The following ART3 variants were observed in gnomAD, a reference collection of about 807,000 sequenced individuals.
ART3 encodes the protein ecto-ADP-ribosyltransferase 3.
A neutral mutation model predicts 48.5 loss-of-function variants in ART3; 49 were observed. The observed-to-expected ratio is 1.01, with a 90% CI of 0.80 to 1.28. The LOEUF (loss-of-function observed/expected upper bound fraction) is 1.28. Among genes scored for constraint, ART3 ranks in the 50% most tolerant of loss-of-function variants. The pLI is 0.00. For synonymous variants in ART3, 145 were observed against 157.2 expected, an observed-to-expected ratio of 0.92 and a Z score of 0.58; for missense variants, 438 against 454.3, an observed-to-expected ratio of 0.96 and a Z score of 0.33.
At chr4:76,035,469 T>C in intron 1 of ART3, 1 of 876,036 alleles carries the variant, frequency 1.1e-6, no homozygotes, top group Non-Finnish European at 1.7e-6. Flanking sequence ...CAAATAGCAC[T>C]TAACACAACT....
chr4:76,021,740 A>G (rs1207448206), intron 1 of ART3: 1 of 652,630 alleles, frequency 1.5e-6, no homozygotes, highest in Admixed American at 2.6e-5. Context: ...GCTTAGGATG[A>G]TGAACATTAA....
intron 1 of ART3, among the ~76,000 whole-genome samples, chr4:76,030,091 A>G (rs1005879270): frequency 5.9e-5 from 9 of 152,008 alleles, no homozygotes; most frequent in African/African-American, 2.2e-4. Flanking sequence ...GTCTCGCTCT[A>G]TGTAGCCCAG....
upstream of ART3, among the ~76,000 whole-genome samples, chr4:76,073,932 T>C (rs1398906943): frequency 6.6e-6 from 1 of 152,260 alleles, no homozygotes; most frequent in Non-Finnish European, 1.5e-5. Context: ...ACCATTCTAC[T>C]GTTGATGGAT....
Position 76,082,063 on chromosome 4 carries a change from C to T in ART3, c.309C>T (p.Ser103=), listed in dbSNP as rs766607107. ...GAATAGCCCTGATGGCATATATTTC[C>T]GAAGCTCAAGAGCAAACTCCCTTTT... The part of the protein sequence containing the change: ...NHGIALMAYI[S]EAQEQTPFYH... Residue 103 remains serine, a synonymous_variant, in exon 3 of 12, where the codon TCC becomes TCT. Coordinates refer to ENST00000355810, the MANE Select transcript of ART3 (RefSeq NM_001130016.3). 1.7e-5 allele frequency: 28 copies of T among 1,614,060 alleles called. No individual in the cohort carries two copies. The highest frequency in any genetic ancestry group is 6.7e-5 in the Admixed American group (4 of 60,008).
chr4:76,052,714 C>CTTTT (rs10644249), intron 1 of ART3, among the ~76,000 whole-genome samples: 59,448 of 141,728 alleles, frequency 0.42, 13,336 homozygotes, highest in East Asian at 0.54. Context: ...TTTCTTTTTT[C>CTTTT]CTTCTTTTTT....
At chr4:76,063,473 T>A (rs1278423887) in intron 1 of ART3, among the ~76,000 whole-genome samples, 2 of 152,114 alleles carry the variant, frequency 1.3e-5, no homozygotes, top group African/African-American at 4.8e-5. Flanking sequence ...ATGAGGAGTT[T>A]AAAATGAGAT....
intron 1 of ART3, among the ~76,000 whole-genome samples, chr4:76,029,413 G>A (rs976303487): frequency 4.6e-5 from 7 of 152,168 alleles, no homozygotes; most frequent in African/African-American, 1.7e-4. Flanking sequence ...TTTTTAGGAC[G>A]TATTCTTCTT....
At position 76,098,989 on chromosome 4, in the gene ART3, T is replaced by A. The variant is rs1726651743; in HGVS notation, c.847+2T>A. 4 of 1,608,090 alleles carry A rather than the reference T, an allele frequency of 2.5e-6. No individual in the cohort carries two copies. The East Asian group carries it at 8.9e-5, about 36-fold the overall frequency. ...AACCCATCTATGTCTACAACCCTGG[T>A]GAGTATGTTCTAATTTTTAAAAATA... On this transcript the variant is annotated splice_donor_variant, in intron 5 of 11. Transcript: ENST00000355810. LOFTEE classifies it high-confidence loss of function.
At chr4:76,037,905 T>C (rs1734585394) in intron 1 of ART3, among the ~76,000 whole-genome samples, 1 of 152,162 alleles carries the variant, frequency 6.6e-6, no homozygotes, top group Non-Finnish European at 1.5e-5. Flanking sequence ...CTTATTCAAC[T>C]TCTTTTTTTG....
chr4:76,052,404 A>C (rs6826406), intron 1 of ART3, among the ~76,000 whole-genome samples: 88,838 of 151,772 alleles, frequency 0.59, 26,848 homozygotes, highest in East Asian at 0.94. Flanking sequence ...CCGTATCACC[A>C]TACGGAACTT....
At chr4:76,069,931 C>T (rs1720147666), upstream of ART3, among the ~76,000 whole-genome samples, 1 of 151,910 alleles carries the variant, frequency 6.6e-6, no homozygotes, top group South Asian at 2.1e-4. Context: ...ATTTCTGGAT[C>T]TTGGGCATAT....
At chr4:76,022,908 C>A in intron 1 of ART3, 2 of 1,324,182 alleles carry the variant, frequency 1.5e-6, no homozygotes, top group Non-Finnish European at 2.1e-6. Flanking sequence ...GAACCTATAT[C>A]CCCATATCAG....
intron 2 of ART3, among the ~76,000 whole-genome samples, chr4:76,079,297 G>C (rs1463162197): frequency 6.6e-6 from 1 of 152,092 alleles, no homozygotes; most frequent in Non-Finnish European, 1.5e-5. Context: ...TAGTGATAGA[G>C]TGTCCACCCA....
At chr4:76,110,197 C>A (rs1026066999) in intron 11 of ART3, among the ~76,000 whole-genome samples, 2 of 152,116 alleles carry the variant, frequency 1.3e-5, no homozygotes, top group African/African-American at 4.8e-5. Flanking sequence ...ATTCAACCAA[C>A]TGTGGATCGA....
At chr4:76,074,394 G>A (rs553565325), upstream of ART3, among the ~76,000 whole-genome samples, 1 of 152,252 alleles carries the variant, frequency 6.6e-6, no homozygotes, top group South Asian at 2.1e-4. Flanking sequence ...AGTTTCCCTA[G>A]TTATGTGAAT....
chr4:76,085,964 T>G (rs1723456881), intron 3 of ART3, among the ~76,000 whole-genome samples: 1 of 151,886 alleles, frequency 6.6e-6, no homozygotes, highest in Non-Finnish European at 1.5e-5. Flanking sequence ...CACAGCTACT[T>G]AGGAGGCTGA....
At chr4:76,107,856 A>T in intron 11 of ART3, 63 bp downstream of exon 11, 1 of 1,330,764 alleles carries the variant, frequency 7.5e-7, no homozygotes, top group Non-Finnish European at 1.0e-6. Flanking sequence ...AAAAAGTGAG[A>T]AATTTATTTT....
intron 10 of ART3, among the ~76,000 whole-genome samples, chr4:76,106,806 G>T (rs1728572347): frequency 6.6e-6 from 1 of 152,154 alleles, no homozygotes; most frequent in Non-Finnish European, 1.5e-5. Flanking sequence ...GCTGCTTGTA[G>T]TTAGAAGAGG....
At chr4:76,072,300 T>C (rs189101515), upstream of ART3, among the ~76,000 whole-genome samples, 51 of 152,366 alleles carry the variant, frequency 3.3e-4, no homozygotes, top group Non-Finnish European at 6.2e-4. Flanking sequence ...CCACAAATGC[T>C]TTTCCTTATC....
Sources: gnomAD v4.1 joint callset for allele counts (sites outside exome capture counted in the v4.1 genomes callset) on GRCh38, gnomAD v4.1.1 for gene constraint, MANE v1.5 for transcripts, NCBI Gene and HGNC (gene_info 2026-07-23, HGNC 2026-07-21) for gene names.